The following SCN3A variants were observed in gnomAD, a reference collection of about 807,000 sequenced individuals.
SCN3A encodes the protein sodium channel protein type 3 subunit alpha.
A neutral mutation model predicts 187.6 loss-of-function variants in SCN3A; 60 were observed. The ratio of observed to expected loss-of-function variants is 0.32; its 90% CI spans 0.26 to 0.40. The LOEUF (loss-of-function observed/expected upper bound fraction) is 0.40. SCN3A is among the 10% of genes least tolerant of loss of function. The pLI, the probability that SCN3A is intolerant of heterozygous loss-of-function variation, is 1.00. For synonymous variants in SCN3A, 788 were observed against 829.2 expected, an observed-to-expected ratio of 0.95 and a Z score of 0.85; for missense variants, 1,601 against 2,428.2, an observed-to-expected ratio of 0.66 and a Z score of 7.16.
At chr2:165,165,613 T>C (rs972223542) in intron 5 of SCN3A, among the ~76,000 whole-genome samples, 1 of 152,218 alleles carries the variant, frequency 6.6e-6, no homozygotes, top group Non-Finnish European at 1.5e-5. Flanking sequence ...TTTTTCAACA[T>C]TGTGTTCTTT....
At chr2:165,118,779 T>C (rs1686501050) in intron 18 of SCN3A, among the ~76,000 whole-genome samples, 1 of 150,832 alleles carries the variant, frequency 6.6e-6, no homozygotes, top group South Asian at 2.1e-4. Flanking sequence ...ATTTATTTTT[T>C]TGAGACGGAG....
Position 165,170,417 on chromosome 2 carries a change from A to C in SCN3A, c.383+13T>G. 7.2e-7 allele frequency: 1 copy of C among 1,397,150 alleles called. No individual in the cohort carries two copies. The highest frequency in any genetic ancestry group is 1.0e-6 in the Non-Finnish European group (1 of 983,260). 86.5% of individuals were successfully genotyped at this position (1,397,150 alleles called of 1,614,324 possible). Reference sequence around the variant, plus strand: ...TAGAAATAGCATTTAGGCAATTCACATTAAAAGGATATGAATGTACCAAAA... The same window carrying C: ...TAGAAATAGCATTTAGGCAATTCACCTTAAAAGGATATGAATGTACCAAAA... On this transcript the variant is annotated intron_variant, in intron 4 of 27. Transcript: ENST00000283254.
chr2:165,170,353 C>G (rs931425195), intron 4 of SCN3A, 77 bp downstream of exon 4: 11 of 887,322 alleles, frequency 1.2e-5, no homozygotes, highest in Non-Finnish European at 1.9e-5. Flanking sequence ...TTTACAGATA[C>G]TTGAAAATAT....
At chr2:165,168,606 C>G (rs1689922860) in intron 5 of SCN3A, 130 bp downstream of exon 5, 2 of 732,670 alleles carry the variant, frequency 2.7e-6, no homozygotes, top group Non-Finnish European at 4.9e-6. Context: ...CTTCCCTTAT[C>G]TTCTTTCATA....
chr2:165,111,365 C>T (rs1185852828), intron 21 of SCN3A, among the ~76,000 whole-genome samples: 1 of 152,026 alleles, frequency 6.6e-6, no homozygotes, highest in East Asian at 1.9e-4. Flanking sequence ...AATCTTCATA[C>T]ATGATAAAAA....
rs1687018418 is a variant in SCN3A, at chr2:165,126,732, CA to C, written c.3393+898del. Among the ~76,000 whole-genome samples the C allele has an allele frequency of 2.0e-5, 3 of 151,122 alleles. No homozygotes were observed. In the South Asian group the frequency reaches 6.3e-4, roughly 32 times the overall value. ...CAGTAAGAGTAGGTTTATTAACCTA[CA>C]AAATAACTATAGCCCTCAAGTGAAG... On this transcript the variant is annotated intron_variant, in intron 18 of 27. Transcript: ENST00000283254.
chr2:165,175,759 T>G (rs1310791273), intron 3 of SCN3A, among the ~76,000 whole-genome samples: 1 of 152,170 alleles, frequency 6.6e-6, no homozygotes, highest in East Asian at 1.9e-4. Context: ...TAAAAAATAA[T>G]TAAGTACAAC....
chr2:165,160,841 A>T (rs1689320151), intron 9 of SCN3A, among the ~76,000 whole-genome samples: 1 of 152,086 alleles, frequency 6.6e-6, no homozygotes, highest in African/African-American at 2.4e-5. Context: ...AGGTTTCGCC[A>T]TGTTGGCCAG....
At chr2:165,190,267 G>T (rs373843594) in intron 1 of SCN3A, among the ~76,000 whole-genome samples, 1 of 152,128 alleles carries the variant, frequency 6.6e-6, no homozygotes, top group African/African-American at 2.4e-5. Context: ...TCTCCTTGTA[G>T]TAACTTCGAT....
intron 5 of SCN3A, among the ~76,000 whole-genome samples, chr2:165,166,489 T>C (rs1689765195): frequency 6.6e-6 from 1 of 152,198 alleles, no homozygotes; most frequent in Non-Finnish European, 1.5e-5. Flanking sequence ...ATATTTTAAG[T>C]ATATTGGTTT....
chr2:165,108,463 C>G (rs533202184), intron 21 of SCN3A, among the ~76,000 whole-genome samples: 10 of 152,238 alleles, frequency 6.6e-5, no homozygotes, highest in African/African-American at 2.4e-4. Flanking sequence ...TCAAGCATCT[C>G]CTTTTAACCT....
intron 18 of SCN3A, among the ~76,000 whole-genome samples, chr2:165,119,249 A>G (rs1686532894): frequency 6.6e-6 from 1 of 152,192 alleles, no homozygotes; most frequent in Non-Finnish European, 1.5e-5. Context: ...TTATTTTTTA[A>G]TGCCCTAGGT....
chr2:165,148,388 A>T (rs1688483513), intron 11 of SCN3A, among the ~76,000 whole-genome samples: 1 of 152,098 alleles, frequency 6.6e-6, no homozygotes, highest in Non-Finnish European at 1.5e-5. Flanking sequence ...AACATATTTT[A>T]GGAAGAAATG....
At position 165,127,615 on chromosome 2, in the gene SCN3A, T is replaced by A. The variant is rs768401822; in HGVS notation, c.3393+16A>T. ...TATCATAGGAAATGGAACAAAAAAT[T>A]TAAAAGCATTCTTACCTCTTTGCTT... On this transcript the variant is annotated intron_variant, in intron 18 of 27. Transcript: ENST00000283254. The A allele has an allele frequency of 1.2e-6, 2 of 1,601,914 alleles. No homozygotes were observed. Among genetic ancestry groups the A allele is most frequent in the South Asian group, 1.1e-5 (1 of 90,806 alleles).
At chr2:165,109,046 C>T (rs1685992612) in intron 21 of SCN3A, among the ~76,000 whole-genome samples, 1 of 152,126 alleles carries the variant, frequency 6.6e-6, no homozygotes, top group South Asian at 2.1e-4. Context: ...TGATTTTTGA[C>T]TTTTTTTCAC....
intron 21 of SCN3A, among the ~76,000 whole-genome samples, chr2:165,105,621 G>A (rs919318716): frequency 6.6e-6 from 1 of 152,104 alleles, no homozygotes; most frequent in African/African-American, 2.4e-5. Context: ...TTGGCCAGCT[G>A]GGGTGGGTAA....
At chr2:165,146,473 C>A (rs1688340819) in intron 12 of SCN3A, among the ~76,000 whole-genome samples, 2 of 131,364 alleles carry the variant, frequency 1.5e-5, no homozygotes, top group South Asian at 2.4e-4. Context: ...TAGGTTATAT[C>A]AATATATATT....
chr2:165,136,785 G>A (rs1269794826), intron 15 of SCN3A, among the ~76,000 whole-genome samples: 1 of 152,174 alleles, frequency 6.6e-6, no homozygotes, highest in Non-Finnish European at 1.5e-5. Context: ...GAATATGGTG[G>A]GTGTTCTACT....
At chr2:165,139,016 G>C (rs1687833049) in intron 14 of SCN3A, among the ~76,000 whole-genome samples, 1 of 152,146 alleles carries the variant, frequency 6.6e-6, no homozygotes, top group South Asian at 2.1e-4. Context: ...AGATGGAAGA[G>C]AGACCCTTTT....
Sources: allele counts gnomAD v4.1 joint callset (sites outside exome capture counted in the v4.1 genomes callset), GRCh38; gene constraint gnomAD v4.1.1; transcripts MANE v1.5; gene names NCBI Gene and HGNC (gene_info 2026-07-23, HGNC 2026-07-21).